The following TAOK3 variants were observed in gnomAD, a reference collection of about 807,000 sequenced individuals.
TAOK3 encodes TAO kinase 3, also known as serine/threonine-protein kinase TAO3.
In TAOK3, 40 loss-of-function variants were observed where a neutral mutation model predicts 120.4. The observed-to-expected ratio is 0.33, with a 90% CI of 0.26 to 0.43. TAOK3 has a LOEUF of 0.43. Among genes scored for constraint, TAOK3 ranks in the 20% least tolerant of loss-of-function variants. TAOK3 has a pLI of 1.00. For missense variants in TAOK3, 821 were observed against 1,112.1 expected (o/e 0.74, Z 3.72); for synonymous variants, 355 against 387.5 (o/e 0.92, Z 0.99).
At chr12:118,176,988 A>T (rs903219013) in intron 16 of TAOK3, among the ~76,000 whole-genome samples, 1 of 152,138 alleles carries the variant, frequency 6.6e-6, no homozygotes, top group African/African-American at 2.4e-5. Context: ...GCTGGTCTCC[A>T]ACTCCTGACC....
At chr12:118,284,921 A>G (rs1390528354) in intron 1 of TAOK3, among the ~76,000 whole-genome samples, 1 of 152,032 alleles carries the variant, frequency 6.6e-6, no homozygotes, top group Admixed American at 6.6e-5. Context: ...ATAGCAACAA[A>G]TTGAGATGAG....
intron 19 of TAOK3, among the ~76,000 whole-genome samples, chr12:118,155,265 G>C (rs1251362267): frequency 6.6e-6 from 1 of 152,152 alleles, no homozygotes; most frequent in Non-Finnish European, 1.5e-5. Context: ...CAAATTGCTG[G>C]GATTACAGGC....
chr12:118,312,038 C>T (rs527977142), intron 1 of TAOK3, among the ~76,000 whole-genome samples: 9 of 152,110 alleles, frequency 5.9e-5, no homozygotes, highest in Admixed American at 5.2e-4. Context: ...AGCAAAACAA[C>T]AGCACCTTGA....
chr12:118,208,718 A>G (rs2139409566), intron 11 of TAOK3, among the ~76,000 whole-genome samples: 1 of 152,076 alleles, frequency 6.6e-6, no homozygotes, highest in Admixed American at 6.6e-5. Context: ...ATTTTTATTT[A>G]TTTATTTTTT....
chr12:118,318,870 A>G (rs2043584183), intron 1 of TAOK3, among the ~76,000 whole-genome samples: 1 of 152,260 alleles, frequency 6.6e-6, no homozygotes, highest in Non-Finnish European at 1.5e-5. Context: ...GCATGTGTAC[A>G]CAATGGAATA....
rs190454918 is a variant in TAOK3 at position 118,363,178 on chromosome 12, C to T, written c.-194+9470G>A. ...TAGAGAATATTATCAATGTTAAAAACGAACATACAAGTATCCATATACTTG... is the reference window on the plus strand; with the variant it reads ...TAGAGAATATTATCAATGTTAAAAATGAACATACAAGTATCCATATACTTG... On this transcript the variant is annotated intron_variant, in intron 1 of 20. Transcript: ENST00000392533. Among the ~76,000 whole-genome samples, 266 of 151,964 alleles carry T rather than the reference C, an allele frequency of 1.8e-3. 2 individuals are homozygous for T. Among genetic ancestry groups the T allele is most frequent in the Middle Eastern group, 3.4e-3 (1 of 294 alleles).
intron 11 of TAOK3, among the ~76,000 whole-genome samples, chr12:118,211,180 GC>G (rs916373733): frequency 6.6e-6 from 1 of 152,156 alleles, no homozygotes; most frequent in African/African-American, 2.4e-5. Context: ...TAAATAGTTG[GC>G]CCATTTGATT....
At chr12:118,347,868 C>A (rs2044940023) in intron 1 of TAOK3, among the ~76,000 whole-genome samples, 1 of 152,166 alleles carries the variant, frequency 6.6e-6, no homozygotes, top group Non-Finnish European at 1.5e-5. Context: ...AGTTCTCATT[C>A]TCAATTTCTT....
At chr12:118,154,290 C>T (rs1290445200) in intron 19 of TAOK3, among the ~76,000 whole-genome samples, 1 of 152,204 alleles carries the variant, frequency 6.6e-6, no homozygotes, top group Non-Finnish European at 1.5e-5. Flanking sequence ...ATCTCCATTT[C>T]CTTTTGTTTC....
In TAOK3 at chr12:118,203,060, G is replaced by A. The variant is rs139986007; in HGVS notation, c.820-1597C>T. ...CTCCCAAAGTGTTGGGATTACAGGC[G>A]TGAGCCACCGCACCGCACCTTGTTC... On this transcript the variant is annotated intron_variant, in intron 11 of 20. Coordinates refer to ENST00000392533, the MANE Select transcript of TAOK3 (RefSeq NM_016281.4). Among the ~76,000 whole-genome samples the A allele has an allele frequency of 4.2e-3, 637 of 152,104 alleles. 3 individuals carry two copies. Among genetic ancestry groups the A allele is most frequent in the African/African-American group, 0.014 (574 of 41,496 alleles).
At chr12:118,198,704 A>AT (rs2037870848) in intron 13 of TAOK3, 1 of 278,486 alleles carries the variant, frequency 3.6e-6, no homozygotes, top group East Asian at 8.7e-5. Flanking sequence ...ATACTTTTGA[A>AT]AGAGCATACT....
At chr12:118,368,163 C>T (rs2045791799) in intron 1 of TAOK3, among the ~76,000 whole-genome samples, 1 of 152,188 alleles carries the variant, frequency 6.6e-6, no homozygotes, top group Non-Finnish European at 1.5e-5. Flanking sequence ...AGCCTTCATA[C>T]GGAACTGTAA....
intron 3 of TAOK3, among the ~76,000 whole-genome samples, chr12:118,247,878 G>A (rs749007670): frequency 1.3e-5 from 2 of 152,000 alleles, no homozygotes; most frequent in Non-Finnish European, 2.9e-5. Context: ...ATAAATACAA[G>A]ACATTAAAAG....
intron 1 of TAOK3, among the ~76,000 whole-genome samples, chr12:118,324,634 C>T (rs1003141790): frequency 7.3e-5 from 11 of 151,134 alleles, no homozygotes; most frequent in Non-Finnish European, 1.3e-4. Context: ...CCCACATGAG[C>T]GAGAACATGC....
rs576727902 is a variant in TAOK3, at chr12:118,371,388, G to A, written c.-194+1260C>T. 6.6e-6 allele frequency among the ~76,000 whole-genome samples: 1 copy of A among 152,246 alleles called. No individual in the cohort carries two copies. The highest frequency in any genetic ancestry group is 2.4e-5 in the African/African-American group (1 of 41,552). On this transcript the variant is annotated intron_variant, in intron 1 of 20. Coordinates refer to ENST00000392533, the MANE Select transcript of TAOK3 (RefSeq NM_016281.4). The surrounding 1 kb of genome is among the most constrained non-coding windows in gnomAD (Gnocchi z 5.5). ...TAAGGAACGAATGCGAAGCCAGCGG[G>A]CCAGTGAGAAGAGGTCAGGCCGCGC...
At chr12:118,345,816 G>A (rs1035787490) in intron 1 of TAOK3, among the ~76,000 whole-genome samples, 2 of 151,842 alleles carry the variant, frequency 1.3e-5, no homozygotes, top group East Asian at 1.9e-4. Flanking sequence ...ATTAAGGAGC[G>A]ACTTAGAACA....
intron 11 of TAOK3, among the ~76,000 whole-genome samples, chr12:118,208,758 C>A (rs184617614): frequency 6.6e-6 from 1 of 152,284 alleles, no homozygotes; most frequent in East Asian, 1.9e-4. Flanking sequence ...GTTGCCCAGG[C>A]TGGAGTGCAG....
chr12:118,150,293 A>C lies in TAOK3; in HGVS notation c.*704T>G, dbSNP rs2034296282. The C allele has an allele frequency of 1.3e-5, 2 of 152,628 alleles. No homozygotes were observed. The highest frequency in any genetic ancestry group is 2.9e-5 in the Non-Finnish European group (2 of 68,034). The allele number at this position is 152,628 out of a possible 1,614,324, so 9.5% of individuals were successfully genotyped here. A position where few individuals can be genotyped will look rare whatever the true frequency, so the allele number is the denominator to read the frequency against. On this transcript the variant is annotated 3_prime_UTR_variant, in exon 21 of 21. Coordinates refer to ENST00000392533, the MANE Select transcript of TAOK3 (RefSeq NM_016281.4). ...ACATCCTCTGCAACAGCAGAAAATG[A>C]TTATGATACAATCAGAATATGCTGA... is the stretch of plus-strand genomic sequence containing the variant.
At chr12:118,312,458 T>A (rs1255126787) in intron 1 of TAOK3, among the ~76,000 whole-genome samples, 1 of 152,180 alleles carries the variant, frequency 6.6e-6, no homozygotes. Flanking sequence ...TAACCATACC[T>A]TGGACAACTA....
Sources: allele counts gnomAD v4.1 joint callset (sites outside exome capture counted in the v4.1 genomes callset), GRCh38; gene constraint gnomAD v4.1.1; non-coding constraint Gnocchi (gnomAD v3.1); transcripts MANE v1.5; gene names NCBI Gene and HGNC (gene_info 2026-07-23, HGNC 2026-07-21).